Variants in MOB4 observed in about 807,000 individuals in gnomAD.
The protein encoded by MOB4 is MOB family member 4, phocein, also known as MOB-like protein phocein.
MOB4 carries 4 observed loss-of-function variants against 32.2 expected under a neutral mutation model. That is an observed-to-expected ratio of 0.12 (90% CI 0.06 to 0.28). MOB4 has a LOEUF of 0.28. Among genes scored for constraint, MOB4 ranks in the 10% least tolerant of loss-of-function variants. The pLI, the probability that MOB4 is intolerant of heterozygous loss-of-function variation, is 1.00. For synonymous variants in MOB4, 88 were observed against 88.1 expected, an observed-to-expected ratio of 1.00 and a Z score of 0.01; for missense variants, 158 against 271.2, an observed-to-expected ratio of 0.58 and a Z score of 2.93.
intron 2 of MOB4, among the ~76,000 whole-genome samples, chr2:197,531,060 T>A (rs557527718): frequency 1.3e-5 from 2 of 151,494 alleles, no homozygotes; most frequent in South Asian, 2.1e-4. Context: ...TTTATTTTTT[T>A]TTTTTGAGGC....
chr2:197,530,361 G>A (rs943213070), intron 2 of MOB4, among the ~76,000 whole-genome samples: 2 of 151,620 alleles, frequency 1.3e-5, no homozygotes, highest in Non-Finnish European at 2.9e-5. Flanking sequence ...TTAAACTCCT[G>A]GACTTAAGAG....
intron 1 of MOB4, chr2:197,516,459 GC>G: frequency 8.6e-7 from 1 of 1,163,084 alleles, no homozygotes; most frequent in Non-Finnish European, 1.1e-6. Context: ...TTGCCCCTGA[GC>G]CCCAGCTGAC....
chr2:197,537,513 A>G (rs1024156332), intron 3 of MOB4, among the ~76,000 whole-genome samples: 3 of 152,200 alleles, frequency 2.0e-5, no homozygotes, highest in East Asian at 1.9e-4. Flanking sequence ...TTGATGCTGC[A>G]TGCTTCTTTA....
At chr2:197,517,915 G>T (rs760085364) in intron 1 of MOB4, among the ~76,000 whole-genome samples, 2 of 152,132 alleles carry the variant, frequency 1.3e-5, no homozygotes, top group Admixed American at 6.5e-5. Flanking sequence ...GGAGGCAGGC[G>T]GATCATCTGA....
intron 2 of MOB4, 109 bp from the exon 3 acceptor site, chr2:197,535,421 C>A: frequency 2.0e-6 from 2 of 1,004,904 alleles, no homozygotes; most frequent in South Asian, 2.1e-5. Context: ...TAGTGTATAA[C>A]CCAAGTTGAA....
chr2:197,523,089 A>G (rs1266206418), intron 1 of MOB4, among the ~76,000 whole-genome samples: 3 of 152,024 alleles, frequency 2.0e-5, no homozygotes, highest in Non-Finnish European at 4.4e-5. Context: ...TTTGGTAAAA[A>G]TCTGATTTAC....
intron 2 of MOB4, among the ~76,000 whole-genome samples, chr2:197,526,864 A>G (rs990484928): frequency 2.4e-4 from 37 of 152,162 alleles, no homozygotes; most frequent in African/African-American, 8.0e-4. Context: ...CTGTATGTCT[A>G]TCCTTATGCC....
At chr2:197,533,592 G>T (rs1355691625) in intron 2 of MOB4, among the ~76,000 whole-genome samples, 1 of 151,908 alleles carries the variant, frequency 6.6e-6, no homozygotes, top group Non-Finnish European at 1.5e-5. Flanking sequence ...GGGCGTGATG[G>T]CAGGTGCTTG....
intron 2 of MOB4, among the ~76,000 whole-genome samples, chr2:197,532,930 C>G (rs2086732343): frequency 6.6e-6 from 1 of 152,036 alleles, no homozygotes. Context: ...GAAACACCAT[C>G]TCTACTAAAA....
chr2:197,520,600 G>A (rs1559313494), intron 1 of MOB4, among the ~76,000 whole-genome samples: 3 of 151,986 alleles, frequency 2.0e-5, no homozygotes, highest in Admixed American at 1.3e-4. Flanking sequence ...AGAGACATTT[G>A]AGCTTCAAAG....
At chr2:197,525,709 CAAAA>C (rs368659222) in intron 2 of MOB4, among the ~76,000 whole-genome samples, 3 of 64,604 alleles carry the variant, frequency 4.6e-5, no homozygotes, top group African/African-American at 5.1e-5. Flanking sequence ...GACCCTATCT[CAAAA>C]AAAAAAAAAA....
At chr2:197,543,444 A>G (rs987399337) in intron 5 of MOB4, among the ~76,000 whole-genome samples, 1 of 151,988 alleles carries the variant, frequency 6.6e-6, no homozygotes, top group African/African-American at 2.4e-5. Flanking sequence ...CATGCTTGAT[A>G]AGGGAAAAAA....
chr2:197,549,859 TAAA>T lies in MOB4; in HGVS notation c.435-398_435-396del, dbSNP rs573507195. 8.4e-3 allele frequency among the ~76,000 whole-genome samples: 712 copies of T among 85,094 alleles called. 4 individuals are homozygous for T. The highest frequency in any genetic ancestry group is 0.013 in the Non-Finnish European group (532 of 41,218). The allele number at this position is 85,094 out of a possible 152,430, so 55.8% of individuals were successfully genotyped here. On this transcript the variant is annotated intron_variant, in intron 6 of 7. Transcript: ENST00000323303. ...AGCCACCACACCTGGCCTTAATTTC[TAAA>T]AAAAAAAAAAAAAAAAAGAAAAGAA...
chr2:197,540,550 CATTTT>C (rs1245240165), intron 5 of MOB4, 113 bp downstream of exon 5: 8 of 1,018,780 alleles, frequency 7.9e-6, no homozygotes, highest in Non-Finnish European at 1.1e-5. Context: ...TTTGCTATTT[CATTTT>C]GAGTTGCTTG....
intron 6 of MOB4, among the ~76,000 whole-genome samples, chr2:197,548,938 A>G (rs1574656337): frequency 6.6e-6 from 1 of 152,154 alleles, no homozygotes; most frequent in South Asian, 2.1e-4. Flanking sequence ...CCTAAAGAGC[A>G]GACTTTCTGG....
chr2:197,543,898 C>T (rs1362544637), intron 5 of MOB4, among the ~76,000 whole-genome samples: 2 of 152,052 alleles, frequency 1.3e-5, no homozygotes, highest in East Asian at 1.9e-4. Context: ...TGCCACCTCG[C>T]CTGACTAATT....
chr2:197,549,881 AAAAGAAAAGG>A (rs1462723005), intron 6 of MOB4, among the ~76,000 whole-genome samples: 1 of 148,982 alleles, frequency 6.7e-6, no homozygotes, highest in Admixed American at 6.6e-5. Flanking sequence ...AAAAAAAAAG[AAAAGAAAAGG>A]AAAGAATAAC....
rs1012838939 is a variant in MOB4 at position 197,552,908 on chromosome 2, G to A, written c.*2262G>A. ...TGTTTGAATTACCCTATGTATATCC[G>A]AAGGTAAACTTAGGCTTTTCTTTCC... On this transcript the variant is annotated 3_prime_UTR_variant, in exon 8 of 8. Coordinates refer to ENST00000323303, the MANE Select transcript of MOB4 (RefSeq NM_015387.5). The A allele has an allele frequency of 6.6e-6, 1 of 152,222 alleles. No individual in the cohort carries two copies. The highest frequency in any genetic ancestry group is 2.4e-5 in the African/African-American group (1 of 41,454). The allele number at this position is 152,222 out of a possible 1,614,324, so 9.4% of individuals were successfully genotyped here.
At chr2:197,535,380 C>T (rs759939316) in intron 2 of MOB4, 150 bp from the exon 3 acceptor site, 1 of 550,158 alleles carries the variant, frequency 1.8e-6, no homozygotes, top group South Asian at 5.4e-5. Flanking sequence ...TTCTTAGTTA[C>T]TGATTATGAT....
Sources: gnomAD v4.1 joint callset for allele counts (sites outside exome capture counted in the v4.1 genomes callset) on GRCh38, gnomAD v4.1.1 for gene constraint, MANE v1.5 for transcripts, NCBI Gene and HGNC (gene_info 2026-07-23, HGNC 2026-07-21) for gene names.